The following PRMT8 variants were observed in gnomAD, a reference collection of about 807,000 sequenced individuals.
PRMT8 encodes the protein protein arginine N-methyltransferase 8.
A neutral mutation model predicts 47.1 loss-of-function variants in PRMT8; 7 were observed. That is an observed-to-expected ratio of 0.15 (90% CI 0.08 to 0.28). The LOEUF (loss-of-function observed/expected upper bound fraction) is 0.28, where lower values mean the gene tolerates loss of function less well. PRMT8 is among the 10% of genes least tolerant of loss of function. PRMT8 has a pLI of 1.00. For synonymous variants in PRMT8, 188 were observed against 186.5 expected, an observed-to-expected ratio of 1.01 and a Z score of -0.07; for missense variants, 237 against 505.4, an observed-to-expected ratio of 0.47 and a Z score of 5.09.
intron 1 of PRMT8, among the ~76,000 whole-genome samples, chr12:3,507,645 G>A (rs1017835760): frequency 5.9e-5 from 9 of 151,904 alleles, no homozygotes; most frequent in South Asian, 2.1e-4. Context: ...TTCAGTTTTC[G>A]CCCACAGGTA....
rs1341014343 is a variant in PRMT8 at position 3,409,773 on chromosome 12, G to A, written c.48+28331G>A. Reference sequence around the variant, plus strand: ...GAGGTTGGGAGCCACTTCAGCTCAGGTGCTGGGGTTGTGACTGCTCTGGGT... The same window carrying A: ...GAGGTTGGGAGCCACTTCAGCTCAGATGCTGGGGTTGTGACTGCTCTGGGT... On this transcript the variant is annotated intron_variant, in intron 1 of 9. Coordinates refer to the PRMT8 transcript ENST00000452611. This position sits in a 1 kb window ranked among gnomAD's most constrained non-coding sequence, Gnocchi z 4.4. Among the ~76,000 whole-genome samples the A allele has an allele frequency of 6.6e-6, 1 of 152,184 alleles. No individual in the cohort carries two copies. Among genetic ancestry groups the A allele is most frequent in the Non-Finnish European group, 1.5e-5 (1 of 68,032 alleles).
chr12:3,391,055 G>T (rs1864187568), intron 1 of PRMT8, among the ~76,000 whole-genome samples: 1 of 152,192 alleles, frequency 6.6e-6, no homozygotes, highest in Non-Finnish European at 1.5e-5. Flanking sequence ...AGTGGGCTCT[G>T]AGGGGATTCA....
At chr12:3,522,242 T>C (rs974105678) in intron 1 of PRMT8, among the ~76,000 whole-genome samples, 3 of 152,054 alleles carry the variant, frequency 2.0e-5, no homozygotes, top group Non-Finnish European at 4.4e-5. Flanking sequence ...TAAAAAAAAA[T>C]TGTATACTGG....
In PRMT8 at chr12:3,579,577, C is replaced by T. The variant is rs74056238; in HGVS notation, c.828+2591C>T. On this transcript the variant is annotated intron_variant, in intron 7 of 9. Transcript: ENST00000382622. ...GCTGGTCCCTTTCTTCCTCTGTGTT[C>T]CTGAGAAGGATGACGATTGTCTGTG... is the stretch of plus-strand genomic sequence containing the variant. Among the ~76,000 whole-genome samples the T allele has an allele frequency of 8.2e-3, 1,254 of 152,236 alleles. 17 individuals carry two copies. The highest frequency in any genetic ancestry group is 0.029 in the African/African-American group (1,212 of 41,530).
rs1018453070 is a variant in PRMT8, at chr12:3,550,973, A to C, written c.417+882A>C. 4 of 152,242 alleles carry C rather than the reference A, an allele frequency of 2.6e-5. No homozygotes were observed. The highest frequency in any genetic ancestry group is 9.7e-5 in the African/African-American group (4 of 41,448). 9.4% of individuals were successfully genotyped at this position (152,242 alleles called of 1,614,324 possible). The stretch of plus-strand genomic sequence containing the variant: ...AACCACAATGAGATTCCCAGTCTGC[A>C]TGTGAGCCGGCCCATTTGCAGAGGC... On this transcript the variant is annotated intron_variant, in intron 3 of 9. Transcript: ENST00000382622. This position sits in a 1 kb window ranked among gnomAD's most constrained non-coding sequence, Gnocchi z 5.1.
In PRMT8 at chr12:3,549,954, G is replaced by A. The variant is rs1866387989; in HGVS notation, c.280G>A (p.Val94Met). ...GIHEEMLKDE[V>M]RTLTYRNSMY... is the part of the protein sequence containing the mutation. ...ATCACAGGAAATGCTGAAGGATGAG[G>A]TGCGGACTCTCACTTACCGGAACTC... Residue 94 changes from valine to methionine, a missense_variant, in exon 3 of 10, where the codon GTG (valine) becomes ATG (methionine). By Grantham distance (21) the Val-to-Met change is conservative. Coordinates refer to ENST00000382622, the MANE Select transcript of PRMT8 (RefSeq NM_019854.5). 1 of 1,614,136 alleles carries A rather than the reference G, an allele frequency of 6.2e-7. No individual in the cohort carries two copies. The highest frequency in any genetic ancestry group is 8.5e-7 in the Non-Finnish European group (1 of 1,179,984).
chr12:3,385,475 C>T (rs944326762), intron 1 of PRMT8, among the ~76,000 whole-genome samples: 1 of 152,204 alleles, frequency 6.6e-6, no homozygotes, highest in African/African-American at 2.4e-5. Flanking sequence ...AAGATGAATG[C>T]ATTTACTCCA....
intron 1 of PRMT8, among the ~76,000 whole-genome samples, chr12:3,519,194 A>G (rs2137139013): frequency 6.6e-6 from 1 of 152,290 alleles, no homozygotes; most frequent in Middle Eastern, 3.4e-3. Flanking sequence ...GAAAGAAGAA[A>G]AAACTAAGTG....
chr12:3,584,590 T>C (rs907911816), intron 8 of PRMT8, among the ~76,000 whole-genome samples: 2 of 151,910 alleles, frequency 1.3e-5, no homozygotes, highest in Non-Finnish European at 2.9e-5. Context: ...GACAAAAGAG[T>C]ATAAAAAGTC....
At chr12:3,542,686 A>C (rs1866252841) in intron 2 of PRMT8, among the ~76,000 whole-genome samples, 1 of 152,186 alleles carries the variant, frequency 6.6e-6, no homozygotes, top group South Asian at 2.1e-4. Flanking sequence ...CTGGGTCTGC[A>C]GTCTCCCCTC....
intron 1 of PRMT8, among the ~76,000 whole-genome samples, chr12:3,468,353 C>T (rs763927804): frequency 3.9e-5 from 6 of 152,166 alleles, no homozygotes; most frequent in Admixed American, 1.3e-4. Context: ...GATAGTTCTG[C>T]GATGTGCACA....
At chr12:3,532,376 G>A (rs1039740274) in intron 1 of PRMT8, among the ~76,000 whole-genome samples, 6 of 149,906 alleles carry the variant, frequency 4.0e-5, no homozygotes, top group African/African-American at 7.3e-5. Context: ...TTGGGAGGCC[G>A]AGGCAGGTGG....
intron 1 of PRMT8, among the ~76,000 whole-genome samples, chr12:3,467,504 G>A (rs1031394094): frequency 1.3e-5 from 2 of 150,464 alleles, no homozygotes; most frequent in Non-Finnish European, 3.0e-5. Flanking sequence ...ACAGAGACGA[G>A]GTTGAGGGGA....
intron 1 of PRMT8, among the ~76,000 whole-genome samples, chr12:3,459,432 CTG>C (rs1030347593): frequency 7.9e-5 from 12 of 152,216 alleles, no homozygotes; most frequent in African/African-American, 2.9e-4. Context: ...GCCTCACAAA[CTG>C]AGTGCCTCTC....
At chr12:3,473,555 C>T (rs1169854129) in intron 1 of PRMT8, among the ~76,000 whole-genome samples, 2 of 152,082 alleles carry the variant, frequency 1.3e-5, no homozygotes, top group Non-Finnish European at 2.9e-5. Flanking sequence ...TGATTCTCTT[C>T]AAAGGCCCAA....
At position 3,572,777 on chromosome 12, in the gene PRMT8, C is replaced by T. The variant is rs1866871193; in HGVS notation, c.712+3213C>T. Reference sequence around the variant, plus strand: ...ATTTTTCTCTGACCTCATTCTGAGGCAGTCCCATTAGCCTCATCAGAGAAA... The same window carrying T: ...ATTTTTCTCTGACCTCATTCTGAGGTAGTCCCATTAGCCTCATCAGAGAAA... On this transcript the variant is annotated intron_variant, in intron 6 of 9. Transcript: ENST00000382622. This position sits in a 1 kb window ranked among gnomAD's most constrained non-coding sequence, Gnocchi z 5.9. 6.6e-6 allele frequency among the ~76,000 whole-genome samples: 1 copy of T among 152,236 alleles called. No homozygotes were observed. The highest frequency in any genetic ancestry group is 1.5e-5 in the Non-Finnish European group (1 of 68,046).
intron 1 of PRMT8, among the ~76,000 whole-genome samples, chr12:3,391,236 A>G (rs1466063183): frequency 3.3e-5 from 5 of 152,244 alleles, no homozygotes; most frequent in Non-Finnish European, 7.3e-5. Context: ...AGAGCTTGCA[A>G]TCCACTGGAG....
At chr12:3,420,029 GACAGAC>G (rs1305821477) in intron 1 of PRMT8, among the ~76,000 whole-genome samples, 3 of 31,318 alleles carry the variant, frequency 9.6e-5, no homozygotes, top group Non-Finnish European at 2.5e-4. Flanking sequence ...GAGAGAGAGA[GACAGAC>G]AGAGAGAGAG....
At chr12:3,571,849 A>G (rs1591609487) in intron 6 of PRMT8, among the ~76,000 whole-genome samples, 2 of 152,258 alleles carry the variant, frequency 1.3e-5, no homozygotes, top group South Asian at 2.1e-4. Context: ...TTTGGTTACT[A>G]TGAGTTCTAA....
Sources: allele counts gnomAD v4.1 joint callset (sites outside exome capture counted in the v4.1 genomes callset), GRCh38; gene constraint gnomAD v4.1.1; non-coding constraint Gnocchi (gnomAD v3.1); transcripts MANE v1.5; gene names NCBI Gene and HGNC (gene_info 2026-07-23, HGNC 2026-07-21).